MGAT4C: variants seen among roughly 807,000 people sequenced by gnomAD.
MGAT4C encodes alpha-1,3-mannosyl-glycoprotein 4-beta-N-acetylglucosaminyltransferase C.
In MGAT4C, 19 loss-of-function variants were observed where a neutral mutation model predicts 40.1. That is an observed-to-expected ratio of 0.47 (90% CI 0.33 to 0.70). MGAT4C has a LOEUF of 0.70. Among genes scored for constraint, MGAT4C ranks in the 30% least tolerant of loss-of-function variants. MGAT4C has a pLI of 0.02. For missense variants in MGAT4C, 491 were observed against 563.2 expected (o/e 0.87, Z 1.30); for synonymous variants, 181 against 187.1 (o/e 0.97, Z 0.27).
At position 85,966,934 on chromosome 12, in the gene MGAT4C, T is replaced by C. The variant is rs1183259843; in HGVS notation, c.*12355A>G. 6.6e-6 allele frequency: 1 copy of C among 151,644 alleles called. No homozygotes were observed. Among genetic ancestry groups the C allele is most frequent in the African/African-American group, 2.4e-5 (1 of 41,292 alleles). The allele number at this position is 151,644 out of a possible 1,614,324, so 9.4% of individuals were successfully genotyped here. A position where few individuals can be genotyped will look rare whatever the true frequency, so the allele number is the denominator to read the frequency against. Reference sequence around the variant, plus strand: ...GGGGGAGGGATAGCATTAGGAGATATACCTAATGTTAAATGACGAGTTAAT... The same window carrying C: ...GGGGGAGGGATAGCATTAGGAGATACACCTAATGTTAAATGACGAGTTAAT... On this transcript the variant is annotated 3_prime_UTR_variant, in exon 5 of 5. Transcript: ENST00000611864.
chr12:86,467,681 T>C (rs939556185), intron 2 of MGAT4C, among the ~76,000 whole-genome samples: 8 of 152,102 alleles, frequency 5.3e-5, no homozygotes, highest in East Asian at 1.9e-4. Flanking sequence ...ACAGCTTTGA[T>C]TGAGAAATGT....
chr12:86,285,721 G>A (rs1304420972), intron 4 of MGAT4C, among the ~76,000 whole-genome samples: 2 of 151,838 alleles, frequency 1.3e-5, no homozygotes, highest in African/African-American at 4.8e-5. Context: ...TGTATGTAAA[G>A]ATCTGTGTAA....
chr12:86,508,203 C>T (rs1271270361), intron 2 of MGAT4C, among the ~76,000 whole-genome samples: 1 of 151,918 alleles, frequency 6.6e-6, no homozygotes, highest in Admixed American at 6.6e-5. Context: ...TGCTATCCCT[C>T]CCCCCTTCCC....
intron 2 of MGAT4C, among the ~76,000 whole-genome samples, chr12:86,490,015 G>A (rs982754501): frequency 1.3e-5 from 2 of 152,170 alleles, no homozygotes; most frequent in Non-Finnish European, 1.5e-5. Context: ...TATCATCCAG[G>A]AGAACTTCCC....
At chr12:86,172,695 T>A (rs1001573779) in intron 1 of MGAT4C, among the ~76,000 whole-genome samples, 1 of 152,106 alleles carries the variant, frequency 6.6e-6, no homozygotes, top group East Asian at 1.9e-4. Context: ...AGGGTATAAA[T>A]TAGAGTTTCA....
At chr12:86,683,584 A>C (rs117751420) in intron 2 of MGAT4C, among the ~76,000 whole-genome samples, 4,091 of 152,220 alleles carry the variant, frequency 0.027, 89 homozygotes, top group Middle Eastern at 0.075. Flanking sequence ...TGAAAAAAAA[A>C]CCAAAAAAAT....
chr12:86,505,157 G>A (rs1429943982), intron 2 of MGAT4C, among the ~76,000 whole-genome samples: 1 of 151,790 alleles, frequency 6.6e-6, no homozygotes, highest in African/African-American at 2.4e-5. Context: ...ATCTAATTCT[G>A]AACCTTTCTC....
intron 2 of MGAT4C, among the ~76,000 whole-genome samples, chr12:86,584,699 G>C (rs1960932916): frequency 6.6e-6 from 1 of 151,350 alleles, no homozygotes; most frequent in Admixed American, 6.6e-5. Context: ...TAAAGATGCT[G>C]CTAAACGAAT....
Position 86,036,255 on chromosome 12 carries a change from T to G in MGAT4C, c.-7+13419A>C, listed in dbSNP as rs964670076. On this transcript the variant is annotated intron_variant, in intron 2 of 4. Coordinates refer to ENST00000611864, the MANE Select transcript of MGAT4C (RefSeq NM_001351288.2). ...TTTCTAAATATACAATCATGTCATC[T>G]GCAAACAGAGACACTTTGACTTCCT... 1.1e-4 allele frequency among the ~76,000 whole-genome samples: 17 copies of G among 150,070 alleles called. 2 individuals are homozygous for G. Among genetic ancestry groups the G allele is most frequent in the Non-Finnish European group, 2.4e-4 (16 of 66,904 alleles).
chr12:86,486,878 G>A (rs765471813), intron 2 of MGAT4C, among the ~76,000 whole-genome samples: 4 of 152,110 alleles, frequency 2.6e-5, no homozygotes, highest in Non-Finnish European at 5.9e-5. Flanking sequence ...TAAACATTGG[G>A]AGTCTTTGCC....
At chr12:86,635,657 T>TTGTGTGTGTGTGTGTGTG (rs71309507) in intron 2 of MGAT4C, among the ~76,000 whole-genome samples, 2 of 147,248 alleles carry the variant, frequency 1.4e-5, no homozygotes, top group African/African-American at 5.0e-5. Context: ...TCTATATACA[T>TTGTGTGTGTGTGTGTGTG]TGTGTGTGTG....
chr12:86,375,761 T>C (rs1955811646), intron 3 of MGAT4C, among the ~76,000 whole-genome samples: 1 of 152,054 alleles, frequency 6.6e-6, no homozygotes, highest in South Asian at 2.1e-4. Context: ...AACTCAAGAT[T>C]GTCATTAACA....
At chr12:86,632,762 TGGGG>T (rs1296329294) in intron 2 of MGAT4C, among the ~76,000 whole-genome samples, 1 of 42,964 alleles carries the variant, frequency 2.3e-5, no homozygotes, top group Non-Finnish European at 4.8e-5. Context: ...TGTTGTGGGG[TGGGG>T]GGATGGGGGA....
chr12:86,690,143 G>C (rs145776384), intron 2 of MGAT4C, among the ~76,000 whole-genome samples: 126 of 152,244 alleles, frequency 8.3e-4, no homozygotes, highest in African/African-American at 2.9e-3. Flanking sequence ...TGAAGCCTCA[G>C]TAATGGCTGA....
chr12:86,768,091 A>G (rs1392923642), intron 1 of MGAT4C, among the ~76,000 whole-genome samples: 1 of 152,204 alleles, frequency 6.6e-6, no homozygotes, highest in Admixed American at 6.5e-5. Context: ...CTGTTTGCAG[A>G]TGACATGATT....
At chr12:86,136,836 C>T (rs563463507) in intron 1 of MGAT4C, among the ~76,000 whole-genome samples, 1 of 152,130 alleles carries the variant, frequency 6.6e-6, no homozygotes, top group Non-Finnish European at 1.5e-5. Flanking sequence ...TACAGGCACA[C>T]ACTACCACGC....
Position 85,980,166 on chromosome 12 carries a change from C to A in MGAT4C, c.560G>T (p.Arg187Ile). ...TCTATCTTCTGGATCATTGTAATTT[C>A]TTTTAAGGCCATCTAGGATTGGGTA... Reference protein sequence around the residue: ...EYYPILDGLKRNYNDPEDRVK... With the variant: ...EYYPILDGLKINYNDPEDRVK... The change falls in exon 5 of 5, where the codon AGA (arginine) becomes ATA (isoleucine). Residue 187 changes from arginine (R) to isoleucine (I), a missense_variant. Physicochemically the swap from Arg to Ile is moderately conservative, Grantham distance 97. Transcript: ENST00000611864. 1 of 1,613,920 alleles carries A rather than the reference C, an allele frequency of 6.2e-7. No homozygotes were observed. Among genetic ancestry groups the A allele is most frequent in the South Asian group, 1.1e-5 (1 of 91,084 alleles).
chr12:86,133,222 T>C (rs955059271), intron 1 of MGAT4C, among the ~76,000 whole-genome samples: 6 of 152,228 alleles, frequency 3.9e-5, no homozygotes, highest in African/African-American at 1.4e-4. Flanking sequence ...AATTTGCTCA[T>C]TTATATTTGA....
At chr12:86,430,949 G>A (rs1957026537) in intron 3 of MGAT4C, among the ~76,000 whole-genome samples, 1 of 152,152 alleles carries the variant, frequency 6.6e-6, no homozygotes, top group South Asian at 2.1e-4. Flanking sequence ...TTCCTTGCCT[G>A]GGCAAAGTCA....
Sources: allele counts gnomAD v4.1 joint callset (sites outside exome capture counted in the v4.1 genomes callset), GRCh38; gene constraint gnomAD v4.1.1; transcripts MANE v1.5; gene names NCBI Gene and HGNC (gene_info 2026-07-23, HGNC 2026-07-21).